Variants in NDUFA10 observed in about 807,000 individuals in gnomAD.
NDUFA10 encodes NADH dehydrogenase [ubiquinone] 1 alpha subcomplex subunit 10, mitochondrial.
NDUFA10 carries 40 observed loss-of-function variants against 47.8 expected under a neutral mutation model. The ratio of observed to expected loss-of-function variants is 0.84; its 90% CI spans 0.65 to 1.09. The LOEUF (loss-of-function observed/expected upper bound fraction) is 1.09, where lower values mean the gene tolerates loss of function less well. NDUFA10 is among the 50% of genes least tolerant of loss of function. NDUFA10 has a pLI of 0.00. For synonymous variants in NDUFA10, 183 were observed against 172.2 expected (o/e 1.06, Z -0.49); for missense variants, 413 against 451.1 (o/e 0.92, Z 0.76).
intron 4 of NDUFA10, among the ~76,000 whole-genome samples, chr2:239,948,557 C>G (rs774561048): frequency 1.1e-4 from 16 of 152,232 alleles, no homozygotes; most frequent in Non-Finnish European, 2.2e-4. Flanking sequence ...CAGGCCTGCC[C>G]GAGCAAAGCT....
chr2:240,020,502 C>T (rs1478784383), intron 3 of NDUFA10, among the ~76,000 whole-genome samples: 2 of 152,202 alleles, frequency 1.3e-5, no homozygotes, highest in African/African-American at 4.8e-5. Context: ...ATTACAGTAA[C>T]CCGTCGCTGG....
Position 239,943,972 on chromosome 2 carries a change from C to T in NDUFA10, c.294+46102G>A, listed in dbSNP as rs183184370. Among the ~76,000 whole-genome samples the T allele has an allele frequency of 1.7e-4, 26 of 152,300 alleles. No homozygotes were observed. In the East Asian group the frequency reaches 4.3e-3, roughly 25 times the overall value. On this transcript the variant is annotated intron_variant, in intron 4 of 5. Transcript: ENST00000419408. ...GAGGCTGCTGGGGGCAGTGCCTGTCCCGAGATGTCCCCAGACTCAGGTGCT... is the reference window on the plus strand; with the variant it reads ...GAGGCTGCTGGGGGCAGTGCCTGTCTCGAGATGTCCCCAGACTCAGGTGCT...
At chr2:239,917,729 C>T (rs73101720) in intron 4 of NDUFA10, among the ~76,000 whole-genome samples, 27,380 of 152,192 alleles carry the variant, frequency 0.18, 3,005 homozygotes, top group African/African-American at 0.3. Context: ...TTGAAGTGTA[C>T]ATAAAAGTCA....
In NDUFA10 at chr2:239,945,900, C is replaced by T. The variant is rs1360948081; in HGVS notation, c.294+44174G>A. 6.6e-6 allele frequency among the ~76,000 whole-genome samples: 1 copy of T among 152,136 alleles called. No homozygotes were observed. Among genetic ancestry groups the T allele is most frequent in the Non-Finnish European group, 1.5e-5 (1 of 68,022 alleles). Reference sequence around the variant, plus strand: ...CTGTGTGCAACCCAGGTGCCTGGAGCAGGAGGGTGGAAGACACTGCGCTGA... The same window carrying T: ...CTGTGTGCAACCCAGGTGCCTGGAGTAGGAGGGTGGAAGACACTGCGCTGA... On this transcript the variant is annotated intron_variant, in intron 4 of 5. Transcript: ENST00000419408. This position sits in a 1 kb window ranked among gnomAD's most constrained non-coding sequence, Gnocchi z 4.6.
At chr2:239,956,541 C>T (rs565137468), downstream of NDUFA10, among the ~76,000 whole-genome samples, 2 of 152,328 alleles carry the variant, frequency 1.3e-5, no homozygotes, top group South Asian at 2.1e-4. Context: ...AAAAGCCTCC[C>T]GTGCTTGGAG....
rs1304296147 is a variant in NDUFA10 at position 239,987,257 on chromosome 2, G to A, written c.999+2817C>T. Among the ~76,000 whole-genome samples the A allele has an allele frequency of 1.3e-4, 20 of 152,066 alleles. No individual in the cohort carries two copies. On this transcript the variant is annotated intron_variant, in intron 9 of 9. Transcript: ENST00000252711. The surrounding 1 kb of genome is among the most constrained non-coding windows in gnomAD (Gnocchi z 4.8). ...ACTCTGACAGCTGTCCTGGGGTTGT[G>A]GAGGAGAACACCCTTGTTTGTGAGA...
rs541431071 is a variant in NDUFA10 at position 239,905,743 on chromosome 2, T to C, written c.295-10429A>G. On this transcript the variant is annotated intron_variant, in intron 4 of 5. Transcript: ENST00000419408. ...GCCCAGGACAGAGGACAGAAGGCAT[T>C]TGCAGATCTGCCAAGGGATGAGGCT... Among the ~76,000 whole-genome samples the C allele has an allele frequency of 1.5e-4, 22 of 151,248 alleles. No individual in the cohort carries two copies. The East Asian group carries it at 3.8e-3, about 26-fold the overall frequency.
At chr2:239,997,005 T>A (rs555701830) in intron 8 of NDUFA10, among the ~76,000 whole-genome samples, 204 of 152,200 alleles carry the variant, frequency 1.3e-3, no homozygotes, top group Non-Finnish European at 5.0e-4. Context: ...ACAATGTAAA[T>A]GCTATATAAA....
chr2:240,013,837 T>C (rs1046377233), intron 5 of NDUFA10: 1 of 152,188 alleles, frequency 6.6e-6, no homozygotes, highest in Non-Finnish European at 1.5e-5. Flanking sequence ...TGCATTTTCA[T>C]CACAGTATCA....
chr2:239,927,749 G>A (rs1428217016), intron 4 of NDUFA10, among the ~76,000 whole-genome samples: 1 of 152,230 alleles, frequency 6.6e-6, no homozygotes, highest in Non-Finnish European at 1.5e-5. Flanking sequence ...GAGCCTGGGT[G>A]GCGACTGGGG....
At chr2:239,924,328 TA>T (rs1398932293) in intron 4 of NDUFA10, among the ~76,000 whole-genome samples, 3 of 151,852 alleles carry the variant, frequency 2.0e-5, no homozygotes, top group African/African-American at 7.3e-5. Context: ...AACATCACAT[TA>T]AAAAAAGAAT....
At chr2:239,940,649 G>A (rs1297432699) in intron 4 of NDUFA10, among the ~76,000 whole-genome samples, 1 of 152,196 alleles carries the variant, frequency 6.6e-6, no homozygotes, top group Non-Finnish European at 1.5e-5. Flanking sequence ...TTGAAATTTA[G>A]TCTATTCACT....
At chr2:239,937,969 C>A (rs1201571704) in intron 4 of NDUFA10, among the ~76,000 whole-genome samples, 1 of 152,154 alleles carries the variant, frequency 6.6e-6, no homozygotes, top group Admixed American at 6.5e-5. Flanking sequence ...GGCCACCGAG[C>A]CATGGTTTAA....
intron 9 of NDUFA10, among the ~76,000 whole-genome samples, chr2:239,985,181 C>T (rs752362998): frequency 8.5e-5 from 13 of 152,192 alleles, no homozygotes; most frequent in Non-Finnish European, 1.2e-4. Context: ...CCAAACCAAA[C>T]GTTAGGGACC....
At chr2:239,986,544 GA>G (rs1310475061) in intron 9 of NDUFA10, among the ~76,000 whole-genome samples, 1 of 152,196 alleles carries the variant, frequency 6.6e-6, no homozygotes, top group African/African-American at 2.4e-5. Context: ...TAGAAACACA[GA>G]AACAAGTATA....
intron 4 of NDUFA10, among the ~76,000 whole-genome samples, chr2:239,895,966 C>G (rs1490260371): frequency 6.6e-6 from 1 of 151,990 alleles, no homozygotes; most frequent in South Asian, 2.1e-4. Context: ...GGCTAATACA[C>G]GAAAGTAGAA....
intron 4 of NDUFA10, among the ~76,000 whole-genome samples, chr2:239,951,568 A>G (rs1694552407): frequency 6.6e-6 from 1 of 152,218 alleles, no homozygotes; most frequent in Admixed American, 6.5e-5. Flanking sequence ...AGCACCCAGT[A>G]CAGGATGTGC....
intron 4 of NDUFA10, among the ~76,000 whole-genome samples, chr2:239,911,482 A>C (rs1046995100): frequency 1.3e-5 from 2 of 152,068 alleles, no homozygotes; most frequent in African/African-American, 4.8e-5. Flanking sequence ...TGAGAGGTAC[A>C]TCCTCCAGCC....
chr2:239,965,610 G>A (rs890017136), intron 9 of NDUFA10, among the ~76,000 whole-genome samples: 1 of 152,222 alleles, frequency 6.6e-6, no homozygotes, highest in East Asian at 1.9e-4. Flanking sequence ...TGACACCCAT[G>A]TGTGTGGCTG....
Sources: gnomAD v4.1 joint callset for allele counts (sites outside exome capture counted in the v4.1 genomes callset) on GRCh38, gnomAD v4.1.1 for gene constraint, Gnocchi (gnomAD v3.1) non-coding constraint, MANE v1.5 for transcripts, NCBI Gene and HGNC (gene_info 2026-07-23, HGNC 2026-07-21) for gene names.